IL1RAPL2: variants seen among roughly 807,000 people sequenced by gnomAD.
The protein encoded by IL1RAPL2 is X-linked interleukin-1 receptor accessory protein-like 2.
Under a neutral mutation model 44.1 loss-of-function variants are expected in IL1RAPL2, and 3 were observed. That is an observed-to-expected ratio of 0.07 (90% CI 0.03 to 0.18). The LOEUF (loss-of-function observed/expected upper bound fraction) is 0.18. IL1RAPL2 is among the 10% of genes least tolerant of loss of function. IL1RAPL2 has a pLI of 1.00. For synonymous variants in IL1RAPL2, 181 were observed against 178.8 expected, an observed-to-expected ratio of 1.01 and a Z score of -0.10; for missense variants, 391 against 496.4, an observed-to-expected ratio of 0.79 and a Z score of 2.02.
chrX:104,773,137 G>A (rs763926268), intron 2 of IL1RAPL2, among the ~76,000 whole-genome samples: 39 of 111,302 alleles, frequency 3.5e-4, no homozygotes, highest in Non-Finnish European at 6.4e-4. Flanking sequence ...TTGAACTCTT[G>A]GGCTCAAGTA....
intron 2 of IL1RAPL2, among the ~76,000 whole-genome samples, chrX:105,178,184 C>T (rs192459145): frequency 8.1e-5 from 9 of 111,486 alleles, no homozygotes; most frequent in Admixed American, 7.6e-4. Flanking sequence ...CTACCTCCAT[C>T]GAGACCAATT....
intron 2 of IL1RAPL2, among the ~76,000 whole-genome samples, chrX:104,677,450 C>T (rs780534166): frequency 4.5e-5 from 5 of 111,184 alleles, no homozygotes; most frequent in African/African-American, 9.8e-5. Context: ...GGCAGTCTGC[C>T]GGTTCTCAGA....
intron 2 of IL1RAPL2, among the ~76,000 whole-genome samples, chrX:104,675,077 GT>G (rs1193397889): frequency 9.0e-6 from 1 of 111,094 alleles, no homozygotes; most frequent in Non-Finnish European, 1.9e-5. Context: ...TTTTTGAAGG[GT>G]TTTTTGTGTC....
In IL1RAPL2 at chrX:104,592,145, ATGTGTGTGTG is replaced by A. The variant is rs35940205; in HGVS notation, c.-20+25134_-20+25143del. 5.6e-3 allele frequency among the ~76,000 whole-genome samples: 336 copies of A among 60,208 alleles called. 4 individuals carry two copies. Among genetic ancestry groups the A allele is most frequent in the African/African-American group, 0.018 (282 of 15,752 alleles). The allele number at this position is 60,208 out of a possible 115,157, so 52.3% of individuals were successfully genotyped here. A position where few individuals can be genotyped will look rare whatever the true frequency, so the allele number is the denominator to read the frequency against. ...ATATGATTTTTTTTAATGCCCGTAT[ATGTGTGTGTG>A]TGTGTGTGTGTGTGTGTGTGTGTGT... On this transcript the variant is annotated intron_variant, in intron 1 of 10. Coordinates refer to ENST00000372582, the MANE Select transcript of IL1RAPL2 (RefSeq NM_017416.2).
chrX:104,789,300 C>T (rs1198630083), intron 2 of IL1RAPL2, among the ~76,000 whole-genome samples: 1 of 111,776 alleles, frequency 8.9e-6, no homozygotes, highest in Non-Finnish European at 1.9e-5. Flanking sequence ...ATCCCTCCCT[C>T]TTCCTTCAAG....
intron 7 of IL1RAPL2, among the ~76,000 whole-genome samples, chrX:105,730,298 A>G (rs1163202584): frequency 9.0e-6 from 1 of 111,240 alleles, no homozygotes; most frequent in African/African-American, 3.3e-5. Context: ...TAAAGTGATC[A>G]ATTTGGTAAG....
chrX:105,038,643 C>T (rs1260843488), intron 2 of IL1RAPL2, among the ~76,000 whole-genome samples: 2 of 109,855 alleles, frequency 1.8e-5, no homozygotes, highest in East Asian at 5.8e-4. Context: ...TATTTCATCG[C>T]CTATGTAATA....
intron 2 of IL1RAPL2, among the ~76,000 whole-genome samples, chrX:104,788,392 T>C (rs1480574936): frequency 8.9e-6 from 1 of 111,948 alleles, no homozygotes; most frequent in Admixed American, 9.5e-5. Flanking sequence ...GAAGAATATA[T>C]AGGTAAAGCC....
At chrX:104,659,175 A>AATCAGT (rs1433652205) in intron 2 of IL1RAPL2, among the ~76,000 whole-genome samples, 180 bp downstream of exon 2, 1 of 111,806 alleles carries the variant, frequency 8.9e-6, no homozygotes, top group Non-Finnish European at 1.9e-5. Context: ...ATTGTTGGGA[A>AATCAGT]ATCAGTGGAA....
intron 2 of IL1RAPL2, among the ~76,000 whole-genome samples, chrX:104,710,369 A>T (rs1931436857): frequency 9.0e-6 from 1 of 111,710 alleles, no homozygotes; most frequent in African/African-American, 3.2e-5. Flanking sequence ...TCAGATGCAG[A>T]TGTAGAAGGC....
chrX:104,592,282 G>A (rs2147997270), intron 1 of IL1RAPL2, among the ~76,000 whole-genome samples: 1 of 106,915 alleles, frequency 9.4e-6, no homozygotes, highest in East Asian at 3.0e-4. Context: ...ACATTTAGTA[G>A]ATACACACAA....
At chrX:104,989,114 A>C (rs1271291305) in intron 2 of IL1RAPL2, among the ~76,000 whole-genome samples, 1 of 111,700 alleles carries the variant, frequency 9.0e-6, no homozygotes, top group Non-Finnish European at 1.9e-5. Flanking sequence ...TGTAGTGCCT[A>C]AGTATTTGCT....
chrX:105,033,771 G>C (rs1482582385), intron 2 of IL1RAPL2, among the ~76,000 whole-genome samples: 1 of 111,639 alleles, frequency 9.0e-6, no homozygotes, highest in Non-Finnish European at 1.9e-5. Context: ...ATGTTGACCT[G>C]CCTTGCTAGA....
At chrX:105,434,994 T>C (rs1396735371) in intron 5 of IL1RAPL2, among the ~76,000 whole-genome samples, 1 of 111,822 alleles carries the variant, frequency 8.9e-6, no homozygotes, top group Non-Finnish European at 1.9e-5. Context: ...CTTATTTTTG[T>C]CAGGTTTGTT....
intron 2 of IL1RAPL2, among the ~76,000 whole-genome samples, chrX:104,994,929 G>A (rs1396754014): frequency 9.1e-6 from 1 of 110,405 alleles, no homozygotes; most frequent in East Asian, 2.9e-4. Flanking sequence ...AGATGTACAA[G>A]ACCTGGGTAT....
chrX:105,547,899 A>G (rs1385699016), intron 6 of IL1RAPL2, among the ~76,000 whole-genome samples: 1 of 112,505 alleles, frequency 8.9e-6, no homozygotes, highest in African/African-American at 3.2e-5. Context: ...CAATGCATGC[A>G]AGGATAGGGA....
intron 2 of IL1RAPL2, among the ~76,000 whole-genome samples, chrX:105,137,261 C>A: frequency 8.9e-6 from 1 of 112,364 alleles, no homozygotes; most frequent in East Asian, 2.8e-4. Context: ...TAAAAATTCA[C>A]TTCCTTAGTC....
chrX:104,842,189 T>C lies in IL1RAPL2; in HGVS notation c.82+183194T>C, dbSNP rs150959532. The stretch of plus-strand genomic sequence containing the variant: ...TCTGCTTGATCGATTCAGCTATTGA[T>C]ACCTGTGTATGCTTCACGAAGTTCT... On this transcript the variant is annotated intron_variant, in intron 2 of 10. Transcript: ENST00000372582. Among the ~76,000 whole-genome samples, 5 of 109,695 alleles carry C rather than the reference T, an allele frequency of 4.6e-5. No individual in the cohort carries two copies. In the East Asian group the frequency reaches 1.5e-3, roughly 32 times the overall value.
chrX:104,919,570 G>A (rs1343002429), intron 2 of IL1RAPL2, among the ~76,000 whole-genome samples: 22 of 95,873 alleles, frequency 2.3e-4, no homozygotes, highest in African/African-American at 7.9e-4. Flanking sequence ...TTACTCTGTC[G>A]CCCAGGCTAG....
Sources: allele counts gnomAD v4.1 joint callset (sites outside exome capture counted in the v4.1 genomes callset), GRCh38; gene constraint gnomAD v4.1.1; transcripts MANE v1.5; gene names NCBI Gene and HGNC (gene_info 2026-07-23, HGNC 2026-07-21).